The following PIGK variants were observed in gnomAD, a reference collection of about 807,000 sequenced individuals.
PIGK encodes the protein phosphatidylinositol glycan anchor biosynthesis class K.
PIGK carries 42 observed loss-of-function variants against 50.6 expected under a neutral mutation model. The ratio of observed to expected loss-of-function variants is 0.83; its 90% CI spans 0.65 to 1.07. The LOEUF (loss-of-function observed/expected upper bound fraction) is 1.07. Among genes scored for constraint, PIGK ranks in the 50% least tolerant of loss-of-function variants. PIGK has a pLI of 0.00. For missense variants in PIGK, 448 were observed against 488.7 expected (o/e 0.92, Z 0.78); for synonymous variants, 151 against 156.0 (o/e 0.97, Z 0.24).
chr1:77,095,359 G>A (rs926292246), intron 10 of PIGK, among the ~76,000 whole-genome samples: 1 of 152,132 alleles, frequency 6.6e-6, no homozygotes, highest in African/African-American at 2.4e-5. Context: ...ACCATGCAAC[G>A]GCTTGCTTTG....
intron 3 of PIGK, among the ~76,000 whole-genome samples, chr1:77,182,370 A>G (rs1655636463): frequency 1.3e-5 from 2 of 152,160 alleles, no homozygotes; most frequent in Non-Finnish European, 2.9e-5. Flanking sequence ...TATTCTAGCC[A>G]TACTGGCAGC....
At chr1:77,167,572 C>T (rs1349132186) in intron 4 of PIGK, among the ~76,000 whole-genome samples, 2 of 151,558 alleles carry the variant, frequency 1.3e-5, no homozygotes, top group African/African-American at 4.9e-5. Context: ...AGTAAGACCC[C>T]CATCTCTGGA....
intron 10 of PIGK, among the ~76,000 whole-genome samples, chr1:77,112,498 T>C (rs533008064): frequency 7.2e-5 from 11 of 152,286 alleles, no homozygotes; most frequent in African/African-American, 2.6e-4. Flanking sequence ...GATGTTAAGA[T>C]AGGCATATAA....
intron 1 of PIGK, among the ~76,000 whole-genome samples, chr1:77,215,819 A>T (rs1656546719): frequency 6.6e-6 from 1 of 152,220 alleles, no homozygotes; most frequent in South Asian, 2.1e-4. Flanking sequence ...AATTACATTA[A>T]GTGAAATAAG....
At chr1:77,174,784 G>A (rs892413150) in intron 3 of PIGK, among the ~76,000 whole-genome samples, 8 of 152,140 alleles carry the variant, frequency 5.3e-5, no homozygotes, top group Non-Finnish European at 1.0e-4. Context: ...CCTTCCAGCT[G>A]TGCCTGCTTA....
chr1:77,199,301 A>G (rs1367377927), intron 3 of PIGK, among the ~76,000 whole-genome samples: 2 of 152,210 alleles, frequency 1.3e-5, no homozygotes, highest in Middle Eastern at 3.4e-3. Context: ...TCAGCTGCCA[A>G]TATGTGAATA....
At chr1:77,157,572 A>C (rs1655036130) in intron 8 of PIGK, among the ~76,000 whole-genome samples, 1 of 152,224 alleles carries the variant, frequency 6.6e-6, no homozygotes, top group South Asian at 2.1e-4. Flanking sequence ...AATTGAAGTA[A>C]TTGGAACTTA....
At chr1:77,125,111 AT>A (rs900181087) in intron 9 of PIGK, among the ~76,000 whole-genome samples, 1 of 152,152 alleles carries the variant, frequency 6.6e-6, no homozygotes, top group African/African-American at 2.4e-5. Flanking sequence ...GATGAAATAC[AT>A]TTTTTTCTCA....
chr1:77,130,070 G>A (rs1654332265), intron 9 of PIGK, among the ~76,000 whole-genome samples: 1 of 150,194 alleles, frequency 6.7e-6, no homozygotes, highest in Admixed American at 6.6e-5. Context: ...TATTTGGTTT[G>A]TCTTTTAAAA....
At chr1:77,134,035 A>G (rs1256467761) in intron 9 of PIGK, among the ~76,000 whole-genome samples, 1 of 152,218 alleles carries the variant, frequency 6.6e-6, no homozygotes, top group African/African-American at 2.4e-5. Flanking sequence ...AATCACCTCA[A>G]TCATTATAGT....
chr1:77,104,225 T>C (rs1653614858), intron 10 of PIGK, among the ~76,000 whole-genome samples: 1 of 151,870 alleles, frequency 6.6e-6, no homozygotes, highest in Non-Finnish European at 1.5e-5. Context: ...AAAAAAGAGA[T>C]ATATGACATA....
intron 3 of PIGK, among the ~76,000 whole-genome samples, chr1:77,185,568 G>A (rs1655720872): frequency 6.6e-6 from 1 of 152,112 alleles, no homozygotes; most frequent in South Asian, 2.1e-4. Context: ...AATGCCCAGT[G>A]GGCCTAACTG....
intron 3 of PIGK, among the ~76,000 whole-genome samples, chr1:77,197,200 A>G (rs1261066176): frequency 6.6e-6 from 1 of 152,278 alleles, no homozygotes; most frequent in East Asian, 1.9e-4. Context: ...CCAGCCAACC[A>G]AAAATATTCA....
At chr1:77,100,351 G>C (rs1653514034) in intron 10 of PIGK, among the ~76,000 whole-genome samples, 1 of 152,158 alleles carries the variant, frequency 6.6e-6, no homozygotes, top group African/African-American at 2.4e-5. Flanking sequence ...TGGTTTATTA[G>C]TATTTCCAGT....
intron 9 of PIGK, among the ~76,000 whole-genome samples, chr1:77,137,006 CT>C (rs1252806131): frequency 6.6e-6 from 1 of 152,154 alleles, no homozygotes; most frequent in African/African-American, 2.4e-5. Flanking sequence ...AACTTTGTAG[CT>C]CCTTCTAAGA....
At chr1:77,116,750 C>A (rs1408868764) in intron 10 of PIGK, among the ~76,000 whole-genome samples, 1 of 152,064 alleles carries the variant, frequency 6.6e-6, no homozygotes, top group Non-Finnish European at 1.5e-5. Flanking sequence ...GAGTTCACAC[C>A]ATGCTGCTGA....
At chr1:77,154,333 A>C in intron 9 of PIGK, 116 bp downstream of exon 9, 1 of 674,362 alleles carries the variant, frequency 1.5e-6, no homozygotes, top group Non-Finnish European at 2.6e-6. Context: ...AAGACTGGGT[A>C]TAAATGTGTA....
intron 8 of PIGK, among the ~76,000 whole-genome samples, chr1:77,157,198 T>C (rs148976112): frequency 7.9e-5 from 12 of 152,248 alleles, no homozygotes; most frequent in African/African-American, 2.9e-4. Context: ...ACACATATAC[T>C]CTAATAGAAA....
chr1:77,219,269 A>G, intron 1 of PIGK, 41 bp downstream of exon 1: 1 of 1,539,394 alleles, frequency 6.5e-7, no homozygotes. Context: ...GAGGGCTCAC[A>G]GCCGGCCTCC....
Sources: gnomAD v4.1 joint callset for allele counts (sites outside exome capture counted in the v4.1 genomes callset) on GRCh38, gnomAD v4.1.1 for gene constraint, MANE v1.5 for transcripts, NCBI Gene and HGNC (gene_info 2026-07-23, HGNC 2026-07-21) for gene names.